RNF213: variants seen among roughly 807,000 people sequenced by gnomAD.
The protein encoded by RNF213 is ring finger protein 213.
A neutral mutation model predicts 514.4 loss-of-function variants in RNF213; 341 were observed. The observed-to-expected ratio is 0.66, with a 90% CI of 0.61 to 0.73. The LOEUF is 0.73. Ranked by LOEUF, RNF213 falls within the 30% of genes least tolerant of loss-of-function variation. The pLI is 0.00. For synonymous variants in RNF213, 2,655 were observed against 2,658.2 expected (o/e 1.00, Z 0.04); for missense variants, 5,767 against 6,615.6 (o/e 0.87, Z 4.45).
At chr17:80,314,350 A>T (rs111219136) in intron 15 of RNF213, among the ~76,000 whole-genome samples, 2 of 8,172 alleles carry the variant, frequency 2.4e-4, no homozygotes, top group Admixed American at 9.3e-4. Flanking sequence ...GTGGTGGTGG[A>T]GGTACTGGAG....
In RNF213 at chr17:80,381,688, C is replaced by A; in HGVS notation, c.13939C>A (p.Arg4647Ser). Residue 4647 changes from arginine to serine, a missense_variant, in exon 57 of 68, where the codon CGC becomes AGC. Arg to Ser is a moderately radical substitution (Grantham distance 110). Coordinates refer to ENST00000582970, the MANE Select transcript of RNF213 (RefSeq NM_001256071.3). ...CATCGGCGTGGTCCACCTCGTCCTG[C>A]GCAGGCTTCTCCAAGAGCAGCACCA... ...ETIGVVHLVL[R>S]RLLQEQHQLS... 6.2e-7 allele frequency: 1 copy of A among 1,614,068 alleles called. No homozygotes were observed. The highest frequency in any genetic ancestry group is 8.5e-7 in the Non-Finnish European group (1 of 1,180,004).
At chr17:80,387,439 C>T (rs2080282294) in intron 63 of RNF213, among the ~76,000 whole-genome samples, 1 of 152,226 alleles carries the variant, frequency 6.6e-6, no homozygotes, top group African/African-American at 2.4e-5. Flanking sequence ...CAGTTAATGG[C>T]ACCACCACCC....
chr17:80,365,071 A>C, intron 42 of RNF213: 1 of 199,308 alleles, frequency 5.0e-6, no homozygotes, highest in Non-Finnish European at 1.1e-5. Context: ...TGCAGAAAGA[A>C]ACCTGTGACC....
chr17:80,297,180 G>A (rs1028949674), intron 10 of RNF213, among the ~76,000 whole-genome samples: 3 of 151,056 alleles, frequency 2.0e-5, no homozygotes, highest in Non-Finnish European at 3.0e-5. Flanking sequence ...GGCCGGGCAC[G>A]GTGGCTCACG....
At chr17:80,268,055 A>G (rs2043668369) in intron 2 of RNF213, among the ~76,000 whole-genome samples, 1 of 152,032 alleles carries the variant, frequency 6.6e-6, no homozygotes, top group South Asian at 2.1e-4. Flanking sequence ...CCTTGACCTC[A>G]AGTGATCCCC....
At chr17:80,369,261 G>A (rs899536849) in intron 44 of RNF213, among the ~76,000 whole-genome samples, 1 of 152,196 alleles carries the variant, frequency 6.6e-6, no homozygotes, top group African/African-American at 2.4e-5. Flanking sequence ...AGCCAGGCGT[G>A]ATGGTGCGTG....
Position 80,340,243 on chromosome 17 carries a change from T to C in RNF213, c.5876T>C (p.Ile1959Thr), listed in dbSNP as rs2078111753. Residue 1959 changes from isoleucine (I) to threonine (T), a missense_variant, in exon 26 of 68, where the codon ATC (isoleucine) becomes ACC (threonine). Coordinates refer to ENST00000582970, the MANE Select transcript of RNF213 (RefSeq NM_001256071.3). The stretch of plus-strand genomic sequence containing the variant: ...ACCCCCCAGGCACCCCTCGAGGCCA[T>C]CCAAGCCTACCTGGCAGGTCACTAC... ...FVTPQAPLEAIQAYLAGHYRV... is the reference protein window; with the variant it reads ...FVTPQAPLEATQAYLAGHYRV... 1.2e-6 allele frequency: 2 copies of C among 1,614,038 alleles called. No homozygotes were observed. The highest frequency in any genetic ancestry group is 2.2e-5 in the East Asian group (1 of 44,868).
At chr17:80,306,218 G>C (rs374717242) in intron 11 of RNF213, 34 bp from the exon 12 acceptor site, 2 of 1,596,334 alleles carry the variant, frequency 1.3e-6, no homozygotes, top group South Asian at 1.1e-5. Context: ...ATCTCACTGC[G>C]TCTCTTTTCT....
chr17:80,348,038 G>A lies in RNF213; in HGVS notation c.9703G>A (p.Glu3235Lys). The A allele has an allele frequency of 6.2e-7, 1 of 1,614,180 alleles. No homozygotes were observed. Among genetic ancestry groups the A allele is most frequent in the African/African-American group, 1.3e-5 (1 of 75,070 alleles). The change falls in exon 29 of 68, where the codon GAG becomes AAG. Residue 3235 changes from glutamate (E) to lysine (K), a missense_variant. This residue lies in a region of RNF213 where 919 missense variants were observed against 1,121.0 expected (regional missense o/e 0.82). Transcript: ENST00000582970. ...ACASVVLQVI[E>K]RQGPRALTEE... Reference sequence around the variant, plus strand: ...CGCGTCTGTGGTGCTGCAGGTCATAGAGAGGCAGGGTCCCCGGGCCTTGAC... The same window carrying A: ...CGCGTCTGTGGTGCTGCAGGTCATAAAGAGGCAGGGTCCCCGGGCCTTGAC...
chr17:80,321,489 G>A (rs2143852326), intron 17 of RNF213: 1 of 152,290 alleles, frequency 6.6e-6, no homozygotes, highest in East Asian at 1.9e-4. Context: ...TTATGTGTGG[G>A]TGTATGTCTT....
At chr17:80,354,782 C>CT in intron 36 of RNF213, 1 of 623,782 alleles carries the variant, frequency 1.6e-6, no homozygotes, top group South Asian at 1.9e-5. Context: ...GACTCTTCCT[C>CT]TAATTTCGTG....
chr17:80,287,308 C>CA (rs1470924660), intron 3 of RNF213, among the ~76,000 whole-genome samples: 1 of 152,166 alleles, frequency 6.6e-6, no homozygotes, highest in Non-Finnish European at 1.5e-5. Context: ...CCAGCTTGGG[C>CA]AACATGGTGA....
At chr17:80,386,514 CCCCTT>C (rs1599210263) in intron 62 of RNF213, 84 bp downstream of exon 62, 2 of 1,508,212 alleles carry the variant, frequency 1.3e-6, no homozygotes, top group Non-Finnish European at 1.8e-6. Flanking sequence ...CAAGCTTCAG[CCCCTT>C]CCCTAACAGA....
At chr17:80,285,685 T>G (rs888224348) in intron 3 of RNF213, among the ~76,000 whole-genome samples, 11 of 151,986 alleles carry the variant, frequency 7.2e-5, no homozygotes, top group African/African-American at 1.9e-4. Context: ...TTTTTTTTTT[T>G]TGTGAGATGG....
chr17:80,316,894 A>G (rs2045965127), intron 15 of RNF213, among the ~76,000 whole-genome samples: 1 of 152,260 alleles, frequency 6.6e-6, no homozygotes, highest in Non-Finnish European at 1.5e-5. Context: ...TGAAAGTTCA[A>G]AAATTTTCAA....
chr17:80,386,766 A>AT lies in RNF213; in HGVS notation c.14799dup (p.Leu4934SerfsTer55). The AT allele has an allele frequency of 6.2e-7, 1 of 1,614,168 alleles. No homozygotes were observed. On this transcript the variant is annotated frameshift_variant, in exon 63 of 68. Transcript: ENST00000582970. LOFTEE classifies it high-confidence loss of function. The stretch of plus-strand genomic sequence containing the variant: ...AGTGGAGCGGGACCTGACTCCACTG[A>AT]TTCTCTCCAACTGCCAGTACCAGGT...
intron 1 of RNF213, among the ~76,000 whole-genome samples, chr17:80,262,149 T>C (rs1312686488): frequency 6.6e-6 from 1 of 151,172 alleles, no homozygotes; most frequent in Non-Finnish European, 1.5e-5. Context: ...AGGGAGGGAG[T>C]GTCCACTGGT....
intron 3 of RNF213, 38 bp downstream of exon 3, chr17:80,273,442 A>C (rs761953875): frequency 2.5e-6 from 4 of 1,608,460 alleles, no homozygotes; most frequent in South Asian, 2.2e-5. Flanking sequence ...GCCCCCGCTC[A>C]CTCTGCCCAG....
intron 3 of RNF213, among the ~76,000 whole-genome samples, chr17:80,280,198 T>G (rs1352418856): frequency 6.6e-6 from 1 of 152,094 alleles, no homozygotes; most frequent in Non-Finnish European, 1.5e-5. Flanking sequence ...ACAGTGTGGG[T>G]GGAGAGCTCA....
Sources: gnomAD v4.1 joint callset for allele counts (sites outside exome capture counted in the v4.1 genomes callset) on GRCh38, gnomAD v4.1.1 for gene constraint, gnomAD v4.1.1 regional missense constraint, MANE v1.5 for transcripts, NCBI Gene and HGNC (gene_info 2026-07-23, HGNC 2026-07-21) for gene names.